Variants in WWOX observed in about 807,000 individuals in gnomAD.
The protein encoded by WWOX is WW domain-containing oxidoreductase.
WWOX carries 69 observed loss-of-function variants against 46.2 expected under a neutral mutation model. The ratio of observed to expected loss-of-function variants is 1.49; its 90% CI spans 1.23 to 1.82. The LOEUF (loss-of-function observed/expected upper bound fraction) is 1.82. WWOX is among the 40% of genes most tolerant of loss of function. WWOX has a pLI of 0.00. For missense variants in WWOX, 919 were observed against 542.6 expected (o/e 1.69, Z -6.89); for synonymous variants, 359 against 202.6 (o/e 1.77, Z -6.56).
At chr16:79,207,497 TG>T (rs1452046492) in intron 8 of WWOX, among the ~76,000 whole-genome samples, 2 of 152,250 alleles carry the variant, frequency 1.3e-5, no homozygotes, top group Non-Finnish European at 2.9e-5. Flanking sequence ...CTCTACTTTT[TG>T]CATAAGTGGA....
chr16:78,358,118 T>C (rs1385883951), intron 5 of WWOX, among the ~76,000 whole-genome samples: 3 of 152,142 alleles, frequency 2.0e-5, no homozygotes, highest in Non-Finnish European at 4.4e-5. Context: ...ATGCACTAGG[T>C]AAAATGTTTA....
intron 5 of WWOX, among the ~76,000 whole-genome samples, chr16:78,190,752 G>C (rs191360290): frequency 6.6e-6 from 1 of 152,168 alleles, no homozygotes; most frequent in Non-Finnish European, 1.5e-5. Flanking sequence ...TCCAACCTGA[G>C]CCAGATAATT....
intron 8 of WWOX, among the ~76,000 whole-genome samples, chr16:78,568,079 G>T (rs905784532): frequency 2.0e-5 from 3 of 152,180 alleles, no homozygotes; most frequent in Non-Finnish European, 4.4e-5. Flanking sequence ...GACTCTTAGG[G>T]CAGAAGAACG....
intron 8 of WWOX, among the ~76,000 whole-genome samples, chr16:78,462,352 C>CAGT (rs2083972718): frequency 6.6e-6 from 1 of 151,924 alleles, no homozygotes. Context: ...TAGCGCACTA[C>CAGT]AAGGCAAGAG....
At chr16:78,942,524 G>C (rs1465612828) in intron 8 of WWOX, among the ~76,000 whole-genome samples, 1 of 152,116 alleles carries the variant, frequency 6.6e-6, no homozygotes, top group Non-Finnish European at 1.5e-5. Flanking sequence ...TGGGCAGTGG[G>C]ATGGGGGTAA....
chr16:78,777,215 C>T (rs550866268), intron 8 of WWOX, among the ~76,000 whole-genome samples: 43 of 151,740 alleles, frequency 2.8e-4, no homozygotes, highest in Non-Finnish European at 5.3e-4. Context: ...TTTTTTTTCC[C>T]ATCTCTTCCT....
At chr16:79,086,962 G>A (rs1897231930) in intron 8 of WWOX, among the ~76,000 whole-genome samples, 1 of 152,184 alleles carries the variant, frequency 6.6e-6, no homozygotes, top group Admixed American at 6.5e-5. Flanking sequence ...CAGAGCACTA[G>A]GAAGCCCCGT....
At chr16:78,277,935 T>C (rs1164948786) in intron 5 of WWOX, among the ~76,000 whole-genome samples, 1 of 152,260 alleles carries the variant, frequency 6.6e-6, no homozygotes, top group Admixed American at 6.5e-5. Flanking sequence ...TTGTTAATGC[T>C]GACTTGGCCC....
intron 8 of WWOX, among the ~76,000 whole-genome samples, chr16:78,566,724 C>G (rs1337543873): frequency 6.6e-6 from 1 of 152,168 alleles, no homozygotes; most frequent in African/African-American, 2.4e-5. Context: ...CCAAAGTGGG[C>G]TTTACTTCCT....
intron 8 of WWOX, among the ~76,000 whole-genome samples, chr16:79,031,646 T>C (rs1269106358): frequency 2.0e-5 from 3 of 151,362 alleles, no homozygotes; most frequent in Non-Finnish European, 4.4e-5. Flanking sequence ...ATTTACTTAA[T>C]TTAAAATTTA....
At chr16:79,069,277 T>C (rs188039371) in intron 8 of WWOX, among the ~76,000 whole-genome samples, 72 of 152,310 alleles carry the variant, frequency 4.7e-4, no homozygotes, top group African/African-American at 1.7e-3. Context: ...GCCAGTTCTC[T>C]TACGCACTCA....
chr16:79,039,945 G>C (rs990448796), intron 8 of WWOX, among the ~76,000 whole-genome samples: 1 of 152,154 alleles, frequency 6.6e-6, no homozygotes, highest in Non-Finnish European at 1.5e-5. Flanking sequence ...CATCTGGAGG[G>C]GTGTAGTGTG....
At position 79,019,173 on chromosome 16, in the gene WWOX, A is replaced by G. The variant is rs1384177034; in HGVS notation, c.1057-192435A>G. Among the ~76,000 whole-genome samples the G allele has an allele frequency of 5.3e-5, 3 of 56,852 alleles. No homozygotes were observed. In the South Asian group the frequency reaches 2.1e-3, roughly 39 times the overall value. 37.3% of individuals were successfully genotyped at this position (56,852 alleles called of 152,430 possible). A position where few individuals can be genotyped will look rare whatever the true frequency, so the allele number is the denominator to read the frequency against. Reference sequence around the variant, plus strand: ...ACCTTGTCTCAAAAAAAAAAAAAAAAAAAAAAAAAAAAGAAAAAAAAAAGT... The same window carrying G: ...ACCTTGTCTCAAAAAAAAAAAAAAAGAAAAAAAAAAAAGAAAAAAAAAAGT... On this transcript the variant is annotated intron_variant, in intron 8 of 8. Coordinates refer to ENST00000566780, the MANE Select transcript of WWOX (RefSeq NM_016373.4).
At chr16:78,261,788 CTATATATATATATA>C (rs71384369) in intron 5 of WWOX, among the ~76,000 whole-genome samples, 2 of 73,746 alleles carry the variant, frequency 2.7e-5, no homozygotes, top group Admixed American at 1.4e-4. Flanking sequence ...ATCTATCTAT[CTATATATATATATA>C]TATATATATA....
intron 8 of WWOX, among the ~76,000 whole-genome samples, chr16:78,847,240 T>C (rs1430124855): frequency 6.6e-6 from 1 of 152,216 alleles, no homozygotes; most frequent in Non-Finnish European, 1.5e-5. Context: ...TCATTGCTTC[T>C]AGAACTTCTC....
At chr16:78,555,488 G>A (rs1419627940) in intron 8 of WWOX, among the ~76,000 whole-genome samples, 1 of 151,950 alleles carries the variant, frequency 6.6e-6, no homozygotes, top group Non-Finnish European at 1.5e-5. Flanking sequence ...TCTGACTAAT[G>A]GGGACAGTAG....
intron 8 of WWOX, among the ~76,000 whole-genome samples, chr16:78,449,649 A>G (rs1449055611): frequency 6.6e-6 from 1 of 152,138 alleles, no homozygotes; most frequent in Non-Finnish European, 1.5e-5. Context: ...AGAGGCACCA[A>G]ATGCACCCAT....
At chr16:78,322,769 C>T (rs1003797515) in intron 5 of WWOX, among the ~76,000 whole-genome samples, 1 of 152,192 alleles carries the variant, frequency 6.6e-6, no homozygotes, top group Non-Finnish European at 1.5e-5. Context: ...CAGTCTTTTG[C>T]AACTGTTCCA....
chr16:78,850,163 A>AGT (rs1031014691), intron 8 of WWOX, among the ~76,000 whole-genome samples: 4 of 151,710 alleles, frequency 2.6e-5, no homozygotes, highest in African/African-American at 9.7e-5. Flanking sequence ...AGTGTGTGTG[A>AGT]GTGTGTGTGT....
Sources: allele counts gnomAD v4.1 joint callset (sites outside exome capture counted in the v4.1 genomes callset), GRCh38; gene constraint gnomAD v4.1.1; transcripts MANE v1.5; gene names NCBI Gene and HGNC (gene_info 2026-07-23, HGNC 2026-07-21).